Variants in IFT74 observed in about 807,000 individuals in gnomAD.
The protein encoded by IFT74 is intraflagellar transport protein 74 homolog.
A neutral mutation model predicts 96.7 loss-of-function variants in IFT74; 92 were observed. The observed-to-expected ratio is 0.95, with a 90% CI of 0.80 to 1.13. The LOEUF is 1.13. IFT74 is among the 50% of genes most tolerant of loss of function. The pLI, the probability that IFT74 is intolerant of heterozygous loss-of-function variation, is 0.00. For synonymous variants in IFT74, 223 were observed against 213.2 expected (o/e 1.05, Z -0.40); for missense variants, 811 against 698.2 (o/e 1.16, Z -1.82).
chr9:26,961,856 A>G (rs957536732), intron 1 of IFT74, 93 bp from the exon 2 acceptor site: 2 of 1,362,914 alleles, frequency 1.5e-6, no homozygotes, highest in Non-Finnish European at 2.0e-6. Context: ...TGCAAGAACA[A>G]TTGTTGTGAA....
chr9:27,045,482 C>G (rs879464717), intron 14 of IFT74, among the ~76,000 whole-genome samples: 1 of 152,062 alleles, frequency 6.6e-6, no homozygotes, highest in Non-Finnish European at 1.5e-5. Context: ...TAATACTTAT[C>G]TCATTGTTTA....
At chr9:26,996,094 TAAAAC>T (rs1477469970) in intron 8 of IFT74, among the ~76,000 whole-genome samples, 2 of 152,200 alleles carry the variant, frequency 1.3e-5, no homozygotes, top group South Asian at 4.1e-4. Context: ...CTAGACTAGT[TAAAAC>T]AAAGGCTCAG....
At chr9:26,997,717 T>C (rs1307520907) in intron 8 of IFT74, 15 of 1,576,056 alleles carry the variant, frequency 9.5e-6, no homozygotes, top group Non-Finnish European at 1.2e-5. Context: ...TGCTTAATTA[T>C]GATAGCTTAC....
At chr9:26,997,354 G>A (rs1253153024) in intron 8 of IFT74, among the ~76,000 whole-genome samples, 7 of 108,946 alleles carry the variant, frequency 6.4e-5, no homozygotes, top group Non-Finnish European at 1.1e-4. Context: ...TTTTTTTTGA[G>A]ACAGAGTCTC....
chr9:26,988,924 C>T (rs1827752621), intron 7 of IFT74, among the ~76,000 whole-genome samples, 196 bp downstream of exon 7: 1 of 152,140 alleles, frequency 6.6e-6, no homozygotes, highest in Non-Finnish European at 1.5e-5. Context: ...GATTGGCTTT[C>T]CTAAGTGGGT....
chr9:26,951,642 T>C (rs1825939482), upstream of IFT74, among the ~76,000 whole-genome samples: 1 of 152,220 alleles, frequency 6.6e-6, no homozygotes, highest in African/African-American at 2.4e-5. Context: ...CTCACGCCTG[T>C]AATACTACCA....
In IFT74 at chr9:27,011,964, A is replaced by C. The variant is rs951347978; in HGVS notation, c.785A>C (p.Glu262Ala). 1.9e-6 allele frequency: 3 copies of C among 1,583,964 alleles called. No homozygotes were observed. The highest frequency in any genetic ancestry group is 2.6e-6 in the Non-Finnish European group (3 of 1,164,790). ...CAGAACATGAAAAAAGAGAGCCTGG[A>C]AGCAGTAAGTATAAAATCAAATAAG... Reference protein sequence around the residue: ...DSQNMKKESLEAEIAHSQVKQ... With the variant: ...DSQNMKKESLAAEIAHSQVKQ... Residue 262 changes from glutamate to alanine, a missense_variant, in exon 10 of 20, where the codon GAA (glutamate) becomes GCA (alanine). Coordinates refer to ENST00000380062, the MANE Select transcript of IFT74 (RefSeq NM_025103.4).
At position 27,044,631 on chromosome 9, in the gene IFT74, C is replaced by A. The variant is rs1681258569; in HGVS notation, c.1055-111C>A. ...TAAAAGAATTTCACCTAATCGAACA[C>A]GTCGAATAGTCAATGACTAATGGCA... On this transcript the variant is annotated intron_variant, in intron 13 of 19. Transcript: ENST00000380062. 1.6e-5 allele frequency: 10 copies of A among 621,802 alleles called. No homozygotes were observed. In the South Asian group the frequency reaches 2.2e-4, roughly 14 times the overall value. The allele number at this position is 621,802 out of a possible 1,614,324, so 38.5% of individuals were successfully genotyped here.
rs1410956294 is a variant in IFT74, at chr9:27,016,978, T to A, written c.861T>A (p.His287Gln). 6.2e-7 allele frequency: 1 copy of A among 1,611,306 alleles called. No homozygotes were observed. The highest frequency in any genetic ancestry group is 1.7e-5 in the Admixed American group (1 of 59,624). ...LHEKLYELES[H>Q]RDQMIAEDKS... is the part of the protein sequence containing the mutation. ...AAAAACTTTATGAGTTGGAGTCCCATCGAGATCAAATGATTGCAGAAGACA... is the reference window on the plus strand; with the variant it reads ...AAAAACTTTATGAGTTGGAGTCCCAACGAGATCAAATGATTGCAGAAGACA... The change falls in exon 11 of 20, where the codon CAT (histidine) becomes CAA (glutamine). Residue 287 changes from histidine to glutamine, a missense_variant. Coordinates refer to ENST00000380062, the MANE Select transcript of IFT74 (RefSeq NM_025103.4).
upstream of IFT74, chr9:26,956,352 T>C (rs1563930241): frequency 6.6e-6 from 1 of 152,242 alleles, no homozygotes; most frequent in Non-Finnish European, 1.5e-5. Context: ...GATTGGTCAC[T>C]CAGGATGAGG....
intron 14 of IFT74, among the ~76,000 whole-genome samples, chr9:27,047,033 C>T (rs1156288948): frequency 5.9e-5 from 9 of 151,998 alleles, no homozygotes; most frequent in African/African-American, 1.7e-4. Flanking sequence ...ATTAGCTGGG[C>T]GTGATGGTGC....
Position 26,973,362 on chromosome 9 carries a change from ACT to A in IFT74, c.121-4762_121-4761del, listed in dbSNP as rs563539044. Among the ~76,000 whole-genome samples, 1,141 of 151,964 alleles carry A rather than the reference ACT, an allele frequency of 7.5e-3. 12 individuals are homozygous for A. Among genetic ancestry groups the A allele is most frequent in the African/African-American group, 0.026 (1,070 of 41,424 alleles). On this transcript the variant is annotated intron_variant, in intron 2 of 19. Transcript: ENST00000380062. ...GTTTAAGGAGTCCATCTTTAATGAG[ACT>A]CTCAATTACAGGCTTTAACCCTATC... is the stretch of plus-strand genomic sequence containing the variant.
At chr9:27,055,813 GT>G in intron 17 of IFT74, 41 bp downstream of exon 17, 4 of 1,313,242 alleles carry the variant, frequency 3.0e-6, no homozygotes, top group Non-Finnish European at 3.1e-6. Context: ...AATTCAGATT[GT>G]TTTTTTCTTG....
Position 26,950,000 on chromosome 9 carries a change from C to CTCTAT in IFT74, c.-20+2854_-20+2855insTCTAT, listed in dbSNP as rs528906571. 9.7e-4 allele frequency among the ~76,000 whole-genome samples: 148 copies of CTCTAT among 151,912 alleles called. 1 individual carries two copies. Among genetic ancestry groups the CTCTAT allele is most frequent in the Middle Eastern group, 6.8e-3 (2 of 294 alleles). On this transcript the variant is annotated intron_variant, in intron 1 of 19. Coordinates refer to the IFT74 transcript ENST00000433700. ...GACCTCTGGTTACGTGACTCCAGGG[C>CTCTAT]AGGAGGCTCTATAGAAAAGCAAGCT...
At chr9:27,004,478 AG>A (rs1367149243) in intron 8 of IFT74, among the ~76,000 whole-genome samples, 1 of 152,234 alleles carries the variant, frequency 6.6e-6, no homozygotes, top group Non-Finnish European at 1.5e-5. Context: ...AGATTGAAAG[AG>A]GGGGTGATGT....
At chr9:27,034,822 G>A (rs1279947862) in intron 13 of IFT74, among the ~76,000 whole-genome samples, 3 of 152,146 alleles carry the variant, frequency 2.0e-5, no homozygotes, top group African/African-American at 4.8e-5. Flanking sequence ...GAGCCACCAC[G>A]CCTGGCCAGA....
At chr9:27,025,624 C>T (rs917432772) in intron 12 of IFT74, among the ~76,000 whole-genome samples, 1 of 152,030 alleles carries the variant, frequency 6.6e-6, no homozygotes, top group African/African-American at 2.4e-5. Flanking sequence ...GAAAACCTAT[C>T]AGATCAATAG....
At chr9:26,967,529 C>T (rs1430818102) in intron 2 of IFT74, among the ~76,000 whole-genome samples, 2 of 152,082 alleles carry the variant, frequency 1.3e-5, no homozygotes, top group Non-Finnish European at 2.9e-5. Flanking sequence ...AAGATCATAT[C>T]ATCTGCAAAC....
intron 13 of IFT74, among the ~76,000 whole-genome samples, chr9:27,031,129 G>T (rs1031952911): frequency 6.6e-6 from 1 of 151,910 alleles, no homozygotes; most frequent in Admixed American, 6.6e-5. Flanking sequence ...CCAAGTAGCC[G>T]GGACTACAGG....
Sources: allele counts gnomAD v4.1 joint callset (sites outside exome capture counted in the v4.1 genomes callset), GRCh38; gene constraint gnomAD v4.1.1; transcripts MANE v1.5; gene names NCBI Gene and HGNC (gene_info 2026-07-23, HGNC 2026-07-21).